ANXA6: variants seen among roughly 807,000 people sequenced by gnomAD.
ANXA6 encodes annexin A6.
Under a neutral mutation model 95.4 loss-of-function variants are expected in ANXA6, and 71 were observed. The ratio of observed to expected loss-of-function variants is 0.74; its 90% CI spans 0.61 to 0.91. The LOEUF (loss-of-function observed/expected upper bound fraction) is 0.91, where lower values mean the gene tolerates loss of function less well. ANXA6 is among the 40% of genes least tolerant of loss of function. The probability of loss-of-function intolerance (pLI) is 0.00; values close to 1 mark genes in which losing one functional copy is unlikely to be tolerated. For synonymous variants in ANXA6, 289 were observed against 315.9 expected, an observed-to-expected ratio of 0.91 and a Z score of 0.90; for missense variants, 830 against 876.4, an observed-to-expected ratio of 0.95 and a Z score of 0.67.
chr5:151,104,707 T>G (rs992101451), intron 24 of ANXA6, among the ~76,000 whole-genome samples: 2 of 152,206 alleles, frequency 1.3e-5, no homozygotes, highest in East Asian at 3.9e-4. Flanking sequence ...GCTGAGAGGG[T>G]GGCCAGTGTG....
chr5:151,122,067 T>C, intron 17 of ANXA6, 80 bp downstream of exon 17: 1 of 844,802 alleles, frequency 1.2e-6, no homozygotes, highest in South Asian at 2.1e-5. Context: ...AAGTTACAGC[T>C]AATCCACCTG....
At chr5:151,107,151 G>A (rs1356856505) in intron 23 of ANXA6, among the ~76,000 whole-genome samples, 1 of 152,210 alleles carries the variant, frequency 6.6e-6, no homozygotes, top group Admixed American at 6.5e-5. Flanking sequence ...AAACCTGCGT[G>A]CAACTAACTT....
Position 151,108,450 on chromosome 5 carries a change from G to A in ANXA6, c.1780+5C>T. The A allele has an allele frequency of 1.2e-6, 2 of 1,612,756 alleles. No individual in the cohort carries two copies. The highest frequency in any genetic ancestry group is 1.1e-5 in the South Asian group (1 of 91,062). On this transcript the variant is annotated splice_donor_5th_base_variant and intron_variant, in intron 23 of 25. Coordinates refer to ENST00000354546, the MANE Select transcript of ANXA6 (RefSeq NM_001155.5). ...CCAGCCCTTCCCTTAGTCCCTGCCA[G>A]TTACCAATGGCCACAAATGCATCCC... is the stretch of plus-strand genomic sequence containing the variant.
chr5:151,130,964 C>T (rs1006954325), intron 11 of ANXA6, among the ~76,000 whole-genome samples: 1 of 152,334 alleles, frequency 6.6e-6, no homozygotes, highest in African/African-American at 2.4e-5. Context: ...TCCGAGCCGC[C>T]AACCCATTTG....
Position 151,149,946 on chromosome 5 carries a change from C to T in ANXA6, c.-25-2020G>A, listed in dbSNP as rs563717271. ...CCAGCCTGGCCAACATGCGAAACCC[C>T]GTCTCTACGAAAAAATACAAAAATT... On this transcript the variant is annotated intron_variant, in intron 1 of 25. Transcript: ENST00000354546. Among the ~76,000 whole-genome samples, 28 of 152,086 alleles carry T rather than the reference C, an allele frequency of 1.8e-4. 1 individual carries two copies. The highest frequency in any genetic ancestry group is 3.4e-3 in the Middle Eastern group (1 of 294).
At chr5:151,156,697 A>G (rs1255620709) in intron 1 of ANXA6, among the ~76,000 whole-genome samples, 1 of 152,076 alleles carries the variant, frequency 6.6e-6, no homozygotes, top group African/African-American at 2.4e-5. Context: ...CCGTGGCCAG[A>G]TTAGTTGTCC....
At chr5:151,134,526 G>C (rs767195818) in intron 7 of ANXA6, 43 bp from the exon 8 acceptor site, 2 of 1,607,186 alleles carry the variant, frequency 1.2e-6, no homozygotes, top group South Asian at 1.1e-5. Context: ...ACACTGCAAA[G>C]TCAGGAGGGA....
intron 20 of ANXA6, among the ~76,000 whole-genome samples, chr5:151,114,094 A>G (rs950864072): frequency 6.6e-5 from 10 of 152,192 alleles, no homozygotes; most frequent in African/African-American, 2.4e-4. Flanking sequence ...ATCTGGAGAG[A>G]CAGAAAGTAG....
At chr5:151,148,623 C>T (rs1239709032) in intron 1 of ANXA6, among the ~76,000 whole-genome samples, 1 of 152,168 alleles carries the variant, frequency 6.6e-6, no homozygotes, top group Non-Finnish European at 1.5e-5. Flanking sequence ...AGAGCTTATG[C>T]TGTAATGGGA....
In ANXA6 at chr5:151,147,907, C is replaced by T. The variant is rs201631733; in HGVS notation, c.-6G>A. On this transcript the variant is annotated 5_prime_UTR_variant, in exon 2 of 26. Transcript: ENST00000354546. The stretch of plus-strand genomic sequence containing the variant: ...ACCTGTGCTGGTTTGGCCATGGTCT[C>T]CGGTTCGCAGCAGAATCCACTGTAG... 962 of 1,605,516 alleles carry T rather than the reference C, an allele frequency of 6.0e-4. 1 individual carries two copies. The highest frequency in any genetic ancestry group is 3.5e-3 in the Middle Eastern group (21 of 6,056).
At chr5:151,154,646 C>G (rs1201212614) in intron 1 of ANXA6, among the ~76,000 whole-genome samples, 1 of 152,204 alleles carries the variant, frequency 6.6e-6, no homozygotes, top group Non-Finnish European at 1.5e-5. Context: ...GGGGTAAATG[C>G]CTTCCCTGGC....
chr5:151,106,745 G>A (rs1468214951), intron 23 of ANXA6, among the ~76,000 whole-genome samples: 1 of 152,142 alleles, frequency 6.6e-6, no homozygotes, highest in African/African-American at 2.4e-5. Context: ...TTCAGACCTA[G>A]GGCTTTATCA....
At chr5:151,129,283 TC>T (rs1765421246) in intron 12 of ANXA6, 123 bp downstream of exon 12, 2 of 1,230,440 alleles carry the variant, frequency 1.6e-6, no homozygotes, top group African/African-American at 3.0e-5. Flanking sequence ...AGGCAGGAGC[TC>T]CTGGAATGTC....
intron 20 of ANXA6, among the ~76,000 whole-genome samples, chr5:151,114,222 T>G (rs2113904130): frequency 6.6e-6 from 1 of 152,270 alleles, no homozygotes; most frequent in East Asian, 1.9e-4. Context: ...GATGGTTGCA[T>G]TAAGTCTGTG....
At chr5:151,156,312 A>C (rs1766235670) in intron 1 of ANXA6, among the ~76,000 whole-genome samples, 1 of 152,168 alleles carries the variant, frequency 6.6e-6, no homozygotes, top group African/African-American at 2.4e-5. Flanking sequence ...ATGGGGCACA[A>C]AGCCTTAGAG....
At chr5:151,104,910 C>T (rs1764653608) in intron 24 of ANXA6, among the ~76,000 whole-genome samples, 2 of 152,250 alleles carry the variant, frequency 1.3e-5, no homozygotes, top group South Asian at 4.1e-4. Flanking sequence ...CTGGATAATT[C>T]TTTGTTGCGC....
chr5:151,105,913 C>T (rs1764682976), intron 23 of ANXA6, among the ~76,000 whole-genome samples: 1 of 152,110 alleles, frequency 6.6e-6, no homozygotes, highest in Non-Finnish European at 1.5e-5. Context: ...TTTGCCATCA[C>T]TTTCAATGGC....
chr5:151,113,392 A>G (rs1764904518), intron 20 of ANXA6, among the ~76,000 whole-genome samples: 1 of 151,956 alleles, frequency 6.6e-6, no homozygotes, highest in African/African-American at 2.4e-5. Context: ...CAAGAGGAAA[A>G]CTCCATCTCA....
rs747439631 is a variant in ANXA6 at position 151,129,444 on chromosome 5, C to T, written c.881G>A (p.Arg294Gln). 1.5e-5 allele frequency: 25 copies of T among 1,613,328 alleles called. No individual in the cohort carries two copies. The highest frequency in any genetic ancestry group is 2.2e-5 in the East Asian group (1 of 44,892). Residue 294 changes from arginine (R) to glutamine (Q), a missense_variant, in exon 12 of 26, where the codon CGG becomes CAG. Physicochemically the swap from Arg to Gln is conservative, Grantham distance 43. Transcript: ENST00000354546. The stretch of plus-strand genomic sequence containing the variant: ...GTAGAGGGACTTCTCATACTTGGTC[C>T]GGAAGATCTCCCGAATGTCGAGCAT... The part of the protein sequence containing the change: ...LDMLDIREIF[R>Q]TKYEKSLYSM...
Sources: allele counts gnomAD v4.1 joint callset (sites outside exome capture counted in the v4.1 genomes callset), GRCh38; gene constraint gnomAD v4.1.1; transcripts MANE v1.5; gene names NCBI Gene and HGNC (gene_info 2026-07-23, HGNC 2026-07-21).